Variants in NELL1 observed in about 807,000 individuals in gnomAD.
The protein encoded by NELL1 is neural EGFL like 1.
NELL1 carries 76 observed loss-of-function variants against 107.4 expected under a neutral mutation model. The ratio of observed to expected loss-of-function variants is 0.71; its 90% CI spans 0.59 to 0.86. The LOEUF (loss-of-function observed/expected upper bound fraction) is 0.86, where lower values mean the gene tolerates loss of function less well. Among genes scored for constraint, NELL1 ranks in the 40% least tolerant of loss-of-function variants. The pLI is 0.00. For synonymous variants in NELL1, 353 were observed against 341.2 expected (o/e 1.03, Z -0.38); for missense variants, 1,024 against 1,005.5 (o/e 1.02, Z -0.25).
intron 14 of NELL1, among the ~76,000 whole-genome samples, chr11:21,365,843 T>C (rs1313586438): frequency 2.0e-5 from 3 of 152,040 alleles, no homozygotes; most frequent in African/African-American, 7.2e-5. Flanking sequence ...GAAAACAGGA[T>C]TAAAATAATA....
At chr11:21,414,217 T>C (rs1852445907) in intron 15 of NELL1, among the ~76,000 whole-genome samples, 1 of 152,032 alleles carries the variant, frequency 6.6e-6, no homozygotes, top group East Asian at 1.9e-4. Flanking sequence ...AATTCCAATA[T>C]TTTTATGGAA....
chr11:21,135,541 T>C (rs1855726905), intron 13 of NELL1, among the ~76,000 whole-genome samples: 1 of 152,192 alleles, frequency 6.6e-6, no homozygotes, highest in African/African-American at 2.4e-5. Flanking sequence ...CTACAACTCA[T>C]GTGACTTACA....
At chr11:20,671,321 C>G (rs1253005300) in intron 1 of NELL1, 1 of 152,182 alleles carries the variant, frequency 6.6e-6, no homozygotes, top group African/African-American at 2.4e-5. Context: ...TGGCTCTGAG[C>G]GCGAGAGTCT....
intron 12 of NELL1, among the ~76,000 whole-genome samples, chr11:21,018,026 A>G (rs1590545410): frequency 6.6e-6 from 1 of 152,042 alleles, no homozygotes; most frequent in South Asian, 2.1e-4. Context: ...AGAACTTTCT[A>G]TCTTTCATCC....
chr11:20,984,256 C>T (rs558835977), intron 12 of NELL1, among the ~76,000 whole-genome samples: 71 of 152,278 alleles, frequency 4.7e-4, no homozygotes, highest in African/African-American at 1.7e-3. Flanking sequence ...CTGTTTGATA[C>T]ATATATTATG....
At chr11:21,028,384 C>G (rs1251657535) in intron 12 of NELL1, among the ~76,000 whole-genome samples, 1 of 152,114 alleles carries the variant, frequency 6.6e-6, no homozygotes, top group Non-Finnish European at 1.5e-5. Flanking sequence ...CAGAGAAAAT[C>G]TGACCCATTC....
At chr11:20,863,024 A>C (rs920738492) in intron 4 of NELL1, among the ~76,000 whole-genome samples, 11 of 152,104 alleles carry the variant, frequency 7.2e-5, no homozygotes, top group Admixed American at 5.2e-4. Flanking sequence ...ACACAGCAAC[A>C]ATCTGATTTC....
chr11:21,017,769 T>A (rs1170493697), intron 12 of NELL1, among the ~76,000 whole-genome samples: 5 of 152,114 alleles, frequency 3.3e-5, no homozygotes, highest in Admixed American at 2.0e-4. Context: ...AGGAATACTA[T>A]TTCTAAATGC....
chr11:20,778,589 T>C (rs1483730669), intron 2 of NELL1, among the ~76,000 whole-genome samples: 4 of 151,396 alleles, frequency 2.6e-5, no homozygotes, highest in Admixed American at 2.6e-4. Context: ...AGAGCCGTCT[T>C]ATCCTGGGAA....
rs1590244299 is a variant in NELL1 at position 20,734,655 on chromosome 11, CATGTTAG to C, written c.185-49022_185-49016del. ...CTGATATCATTCAGTCATCTAAGGT[CATGTTAG>C]ATTTGAGAAATCCATTAGATGTCCA... On this transcript the variant is annotated intron_variant, in intron 2 of 19. Coordinates refer to ENST00000357134, the MANE Select transcript of NELL1 (RefSeq NM_006157.5). Among the ~76,000 whole-genome samples the C allele has an allele frequency of 5.9e-5, 9 of 152,234 alleles. No individual in the cohort carries two copies. The South Asian group carries it at 1.9e-3, about 32-fold the overall frequency.
intron 12 of NELL1, among the ~76,000 whole-genome samples, chr11:21,091,468 T>C (rs1213616422): frequency 6.6e-6 from 1 of 152,216 alleles, no homozygotes; most frequent in Non-Finnish European, 1.5e-5. Context: ...AGAGAGCAGA[T>C]ATTTTTAAAT....
intron 13 of NELL1, among the ~76,000 whole-genome samples, chr11:21,170,381 G>A (rs1245654002): frequency 6.6e-6 from 1 of 151,616 alleles, no homozygotes; most frequent in Non-Finnish European, 1.5e-5. Context: ...ACAAGACAGA[G>A]ATACAGGGAC....
intron 16 of NELL1, among the ~76,000 whole-genome samples, chr11:21,558,137 A>C (rs1192108370): frequency 6.6e-6 from 1 of 152,018 alleles, no homozygotes; most frequent in Non-Finnish European, 1.5e-5. Flanking sequence ...GAAAGTGCTT[A>C]TCAATTAATT....
At chr11:21,533,676 C>A (rs907214910) in intron 15 of NELL1, among the ~76,000 whole-genome samples, 3 of 152,142 alleles carry the variant, frequency 2.0e-5, no homozygotes, top group Admixed American at 6.6e-5. Flanking sequence ...GCCTAGGAGA[C>A]TTCCTTTCCT....
intron 13 of NELL1, among the ~76,000 whole-genome samples, chr11:21,224,216 G>T (rs1168311004): frequency 6.6e-6 from 1 of 151,828 alleles, no homozygotes; most frequent in African/African-American, 2.4e-5. Context: ...CCTAAGTATT[G>T]GGAAGTTTTT....
In NELL1 at chr11:21,560,229, C is replaced by G. The variant is rs111554917; in HGVS notation, c.1827C>G (p.Asn609Lys). The G allele has an allele frequency of 6.2e-7, 1 of 1,613,700 alleles. No homozygotes were observed. Among genetic ancestry groups the G allele is most frequent in the Non-Finnish European group, 8.5e-7 (1 of 1,179,748 alleles). The change falls in exon 17 of 20, where the codon AAC becomes AAG. Residue 609 changes from asparagine (N) to lysine (K), a missense_variant. Coordinates refer to ENST00000357134, the MANE Select transcript of NELL1 (RefSeq NM_006157.5). The stretch of plus-strand genomic sequence containing the variant: ...CCTTAAGAACTCACACCTGTTGGAA[C>G]GATTCTGCCTGCATCAACCTGGCAG... ...ECALRTHTCW[N>K]DSACINLAGG...
intron 15 of NELL1, among the ~76,000 whole-genome samples, chr11:21,503,338 C>T (rs1855195137): frequency 6.6e-6 from 1 of 152,294 alleles, no homozygotes; most frequent in Non-Finnish European, 1.5e-5. Flanking sequence ...ACATATCAAC[C>T]AGTCCAGTTG....
At chr11:21,160,057 C>T (rs1856328577) in intron 13 of NELL1, among the ~76,000 whole-genome samples, 1 of 152,212 alleles carries the variant, frequency 6.6e-6, no homozygotes. Context: ...AGAGCAACCA[C>T]ATTTCTTTTC....
chr11:20,805,750 C>T lies in NELL1; in HGVS notation c.335+21920C>T, dbSNP rs560715281. On this transcript the variant is annotated intron_variant, in intron 3 of 19. Transcript: ENST00000357134. Reference sequence around the variant, plus strand: ...ATCTCCTGACCTCGTGATCCACCTGCCTTGGCCTCCCAAAGTGCTGGGATT... The same window carrying T: ...ATCTCCTGACCTCGTGATCCACCTGTCTTGGCCTCCCAAAGTGCTGGGATT... Among the ~76,000 whole-genome samples the T allele has an allele frequency of 8.5e-5, 13 of 152,334 alleles. No individual in the cohort carries two copies. The South Asian group carries it at 2.5e-3, about 29-fold the overall frequency.
Sources: allele counts gnomAD v4.1 joint callset (sites outside exome capture counted in the v4.1 genomes callset), GRCh38; gene constraint gnomAD v4.1.1; transcripts MANE v1.5; gene names NCBI Gene and HGNC (gene_info 2026-07-23, HGNC 2026-07-21).